CPQ: variants seen among roughly 807,000 people sequenced by gnomAD.
CPQ encodes carboxypeptidase Q, also known as Ser-Met dipeptidase.
Under a neutral mutation model 45.7 loss-of-function variants are expected in CPQ, and 37 were observed. The ratio of observed to expected loss-of-function variants is 0.81; its 90% CI spans 0.62 to 1.07. CPQ has a LOEUF of 1.07. CPQ is among the 50% of genes least tolerant of loss of function. The pLI is 0.00. For missense variants in CPQ, 537 were observed against 572.9 expected (o/e 0.94, Z 0.64); for synonymous variants, 186 against 205.8 (o/e 0.90, Z 0.82).
At chr8:97,127,668 G>C (rs548274578) in intron 7 of CPQ, among the ~76,000 whole-genome samples, 1 of 152,150 alleles carries the variant, frequency 6.6e-6, no homozygotes, top group Admixed American at 6.5e-5. Flanking sequence ...CAGCGTGGGT[G>C]ACAGAGCAAG....
chr8:96,889,336 T>C (rs975193089), intron 4 of CPQ, among the ~76,000 whole-genome samples: 1 of 151,972 alleles, frequency 6.6e-6, no homozygotes, highest in Non-Finnish European at 1.5e-5. Context: ...ATTCAGAAAA[T>C]GTTTGGAAAT....
chr8:96,722,889 C>A (rs1809783307), intron 1 of CPQ, among the ~76,000 whole-genome samples: 1 of 152,154 alleles, frequency 6.6e-6, no homozygotes, highest in African/African-American at 2.4e-5. Flanking sequence ...GAAAGTGACA[C>A]ATAGAGCTTC....
chr8:96,670,940 TGTG>T (rs1365388581), intron 1 of CPQ, among the ~76,000 whole-genome samples: 2 of 152,032 alleles, frequency 1.3e-5, no homozygotes, highest in African/African-American at 4.8e-5. Flanking sequence ...GACGGATCCT[TGTG>T]GTGATAGACA....
intron 2 of CPQ, among the ~76,000 whole-genome samples, chr8:96,793,412 T>A (rs947769564): frequency 1.3e-5 from 2 of 151,880 alleles, no homozygotes; most frequent in African/African-American, 4.8e-5. Flanking sequence ...ACTCCCCTTT[T>A]TAAAACCATG....
At chr8:96,850,591 T>A (rs1056149994) in intron 3 of CPQ, among the ~76,000 whole-genome samples, 1 of 134,472 alleles carries the variant, frequency 7.4e-6, no homozygotes, top group African/African-American at 2.6e-5. Context: ...TTATTTTATT[T>A]ATTTATTTAT....
At chr8:97,002,383 T>C (rs1396000135) in intron 5 of CPQ, among the ~76,000 whole-genome samples, 10 of 152,166 alleles carry the variant, frequency 6.6e-5, no homozygotes, top group African/African-American at 2.4e-4. Flanking sequence ...TTTCTATCTT[T>C]TGGATGTGGG....
At chr8:96,917,718 T>G (rs531858690) in intron 4 of CPQ, among the ~76,000 whole-genome samples, 17 of 152,268 alleles carry the variant, frequency 1.1e-4, no homozygotes, top group Admixed American at 8.5e-4. Context: ...TATCTATAAG[T>G]ATTTCTCTGT....
intron 6 of CPQ, among the ~76,000 whole-genome samples, chr8:97,055,797 C>G (rs1340552272): frequency 6.6e-6 from 1 of 152,100 alleles, no homozygotes; most frequent in African/African-American, 2.4e-5. Context: ...ACCTCCAGAA[C>G]TGTTAGAGAA....
intron 1 of CPQ, among the ~76,000 whole-genome samples, chr8:96,737,240 C>A (rs1191432006): frequency 7.0e-6 from 1 of 142,152 alleles, no homozygotes; most frequent in Non-Finnish European, 1.5e-5. Flanking sequence ...TACACACACA[C>A]ACACACACAC....
chr8:96,735,076 G>C (rs1263661134), intron 1 of CPQ, among the ~76,000 whole-genome samples: 1 of 151,452 alleles, frequency 6.6e-6, no homozygotes, highest in Non-Finnish European at 1.5e-5. Flanking sequence ...TTGACTTTTG[G>C]GCCCCATCCT....
chr8:96,747,815 A>T (rs914580645), intron 1 of CPQ, among the ~76,000 whole-genome samples: 3 of 152,108 alleles, frequency 2.0e-5, no homozygotes, highest in African/African-American at 7.2e-5. Context: ...AGGCCTACTG[A>T]ATTGGAATCT....
chr8:96,657,965 A>G (rs1341813342), intron 1 of CPQ, among the ~76,000 whole-genome samples: 2 of 152,240 alleles, frequency 1.3e-5, no homozygotes, highest in Non-Finnish European at 2.9e-5. Flanking sequence ...CATTGGATCT[A>G]TGTTATTCAT....
intron 6 of CPQ, among the ~76,000 whole-genome samples, chr8:97,060,939 C>T (rs1216960430): frequency 6.6e-6 from 1 of 152,146 alleles, no homozygotes; most frequent in Non-Finnish European, 1.5e-5. Context: ...CCAACTCCTT[C>T]ACCATGTGCT....
intron 6 of CPQ, among the ~76,000 whole-genome samples, chr8:97,037,919 C>T (rs1366991076): frequency 1.3e-5 from 2 of 152,118 alleles, no homozygotes; most frequent in African/African-American, 2.4e-5. Context: ...TTTGCTTTAT[C>T]GCTCTTTAGA....
chr8:97,025,354 A>G (rs1333872087), intron 5 of CPQ, among the ~76,000 whole-genome samples: 6 of 152,202 alleles, frequency 3.9e-5, no homozygotes. Flanking sequence ...TTGGAAGTTT[A>G]TGTTGCTTTA....
intron 7 of CPQ, among the ~76,000 whole-genome samples, chr8:97,127,881 G>A (rs941589012): frequency 2.6e-5 from 4 of 152,140 alleles, no homozygotes; most frequent in Non-Finnish European, 5.9e-5. Context: ...GTATAGGAAA[G>A]GCAAGCCTAA....
At chr8:97,056,241 G>A (rs1810454416) in intron 6 of CPQ, among the ~76,000 whole-genome samples, 1 of 152,192 alleles carries the variant, frequency 6.6e-6, no homozygotes, top group Non-Finnish European at 1.5e-5. Flanking sequence ...TGTGGGATAT[G>A]AGTGTAGAAT....
intron 6 of CPQ, among the ~76,000 whole-genome samples, chr8:97,057,618 A>C (rs1369565731): frequency 6.6e-6 from 1 of 152,180 alleles, no homozygotes. Flanking sequence ...CCTTTGCCTT[A>C]AACATTTATT....
At chr8:96,912,522 A>T (rs1812678723) in intron 4 of CPQ, among the ~76,000 whole-genome samples, 1 of 152,228 alleles carries the variant, frequency 6.6e-6, no homozygotes, top group Admixed American at 6.5e-5. Flanking sequence ...AGATAAGGCT[A>T]TTTTGAGGAC....
Sources: allele counts gnomAD v4.1 joint callset (sites outside exome capture counted in the v4.1 genomes callset), GRCh38; gene constraint gnomAD v4.1.1; transcripts MANE v1.5; gene names NCBI Gene and HGNC (gene_info 2026-07-23, HGNC 2026-07-21).